Variants in KCNMA1 observed in about 807,000 individuals in gnomAD.
KCNMA1 encodes the protein potassium calcium-activated channel subfamily M alpha 1.
KCNMA1 carries 29 observed loss-of-function variants against 140.0 expected under a neutral mutation model. The observed-to-expected ratio is 0.21, with a 90% CI of 0.15 to 0.28. The LOEUF (loss-of-function observed/expected upper bound fraction) is 0.28. KCNMA1 is among the 10% of genes least tolerant of loss of function. The pLI, the probability that KCNMA1 is intolerant of heterozygous loss-of-function variation, is 1.00. For synonymous variants in KCNMA1, 612 were observed against 611.9 expected (o/e 1.00, Z 0.00); for missense variants, 880 against 1,602.2 (o/e 0.55, Z 7.70).
At chr10:77,581,538 C>T (rs950035364) in intron 1 of KCNMA1, among the ~76,000 whole-genome samples, 1 of 152,188 alleles carries the variant, frequency 6.6e-6, no homozygotes. Flanking sequence ...ATCTCCTGAC[C>T]TAGTGATCCA....
At chr10:77,132,902 C>T (rs2097895445) in intron 5 of KCNMA1, among the ~76,000 whole-genome samples, 1 of 152,026 alleles carries the variant, frequency 6.6e-6, no homozygotes, top group Non-Finnish European at 1.5e-5. Context: ...GTAATGGATT[C>T]ATTTATGTGT....
At chr10:77,184,701 T>C (rs1163575890) in intron 4 of KCNMA1, 122 bp downstream of exon 4, 6 of 743,608 alleles carry the variant, frequency 8.1e-6, no homozygotes, top group Admixed American at 5.5e-5. Context: ...AAAATCAGAA[T>C]GCGGGTGCGC....
chr10:77,397,941 T>C (rs1221459289), intron 2 of KCNMA1, among the ~76,000 whole-genome samples: 1 of 152,142 alleles, frequency 6.6e-6, no homozygotes, highest in East Asian at 1.9e-4. Context: ...GCAAAAGACA[T>C]GATTTCATTC....
At chr10:77,330,076 G>C (rs751141257) in intron 2 of KCNMA1, among the ~76,000 whole-genome samples, 1 of 152,124 alleles carries the variant, frequency 6.6e-6, no homozygotes, top group African/African-American at 2.4e-5. Context: ...TCTTTGTACT[G>C]TTTCTAATAT....
intron 15 of KCNMA1, among the ~76,000 whole-genome samples, chr10:77,031,930 A>G (rs1475412845): frequency 1.3e-5 from 2 of 152,226 alleles, no homozygotes; most frequent in African/African-American, 4.8e-5. Context: ...TGGAGAAAAG[A>G]TAAAGTGGCA....
intron 5 of KCNMA1, among the ~76,000 whole-genome samples, chr10:77,150,921 A>C (rs1425659344): frequency 6.6e-6 from 1 of 152,180 alleles, no homozygotes; most frequent in Non-Finnish European, 1.5e-5. Flanking sequence ...AGGGACTGGG[A>C]GTGTTGGTAA....
At chr10:77,006,265 A>G (rs2088568077) in intron 18 of KCNMA1, among the ~76,000 whole-genome samples, 1 of 152,314 alleles carries the variant, frequency 6.6e-6, no homozygotes, top group East Asian at 1.9e-4. Flanking sequence ...CAAATGGAGC[A>G]AATTCAAGGG....
chr10:77,565,901 C>A (rs1294424301), intron 1 of KCNMA1, among the ~76,000 whole-genome samples: 1 of 152,116 alleles, frequency 6.6e-6, no homozygotes, highest in East Asian at 1.9e-4. Flanking sequence ...CTCCCCACAG[C>A]CCTAACGCTC....
chr10:76,891,115 T>C (rs2151856242), intron 26 of KCNMA1, among the ~76,000 whole-genome samples: 1 of 152,320 alleles, frequency 6.6e-6, no homozygotes, highest in East Asian at 1.9e-4. Context: ...TGTGGAAATA[T>C]TTCCCAACCT....
rs760749885 is a variant in KCNMA1 at position 77,471,588 on chromosome 10, TCA to T, written c.379-67567_379-67566del. Among the ~76,000 whole-genome samples, 43 of 139,002 alleles carry T rather than the reference TCA, an allele frequency of 3.1e-4. No individual in the cohort carries two copies. The East Asian group carries it at 3.6e-3, about 12-fold the overall frequency. 91.2% of individuals were successfully genotyped at this position (139,002 alleles called of 152,430 possible). Reference sequence around the variant, plus strand: ...CACACTCCATACCAAATACCACAGGTCACACACACACACCACACACACTATAC... The same window carrying T: ...CACACTCCATACCAAATACCACAGGTCACACACACACCACACACACTATAC... On this transcript the variant is annotated intron_variant, in intron 1 of 27. Transcript: ENST00000286628.
intron 16 of KCNMA1, among the ~76,000 whole-genome samples, chr10:77,026,067 T>C (rs774840478): frequency 1.1e-4 from 16 of 151,500 alleles, no homozygotes; most frequent in Non-Finnish European, 1.8e-4. Context: ...CATCTCAGAA[T>C]TGTGACTCAA....
chr10:77,502,170 GGC>G (rs2044156089), intron 1 of KCNMA1, among the ~76,000 whole-genome samples: 1 of 152,168 alleles, frequency 6.6e-6, no homozygotes, highest in African/African-American at 2.4e-5. Context: ...AACAGCTGGG[GGC>G]GCCTGGGAAG....
At chr10:77,041,669 A>T (rs2094703319) in intron 14 of KCNMA1, among the ~76,000 whole-genome samples, 1 of 152,212 alleles carries the variant, frequency 6.6e-6, no homozygotes, top group African/African-American at 2.4e-5. Context: ...ATGGGAGCTT[A>T]GGGATCTCAC....
intron 2 of KCNMA1, among the ~76,000 whole-genome samples, chr10:77,258,306 T>C (rs545656191): frequency 6.6e-6 from 1 of 152,266 alleles, no homozygotes; most frequent in Non-Finnish European, 1.5e-5. Flanking sequence ...AAGAATAAAC[T>C]CCATAGACAC....
chr10:77,200,222 A>C (rs1319686406), intron 3 of KCNMA1, among the ~76,000 whole-genome samples: 3 of 152,164 alleles, frequency 2.0e-5, no homozygotes, highest in Admixed American at 6.5e-5. Flanking sequence ...AAGTGCTGGG[A>C]TTACAAGTGT....
At chr10:77,167,846 C>T (rs2098660652) in intron 5 of KCNMA1, among the ~76,000 whole-genome samples, 1 of 151,858 alleles carries the variant, frequency 6.6e-6, no homozygotes, top group Admixed American at 6.6e-5. Context: ...TCATGTCTGG[C>T]TAATTTTTGT....
At chr10:77,575,549 T>G (rs2073761780) in intron 1 of KCNMA1, among the ~76,000 whole-genome samples, 1 of 152,166 alleles carries the variant, frequency 6.6e-6, no homozygotes, top group Non-Finnish European at 1.5e-5. Flanking sequence ...TAAGTCTTAA[T>G]GCTCCCCAAG....
At chr10:77,111,472 G>C (rs1347533294) in intron 7 of KCNMA1, among the ~76,000 whole-genome samples, 4 of 152,186 alleles carry the variant, frequency 2.6e-5, no homozygotes, top group Non-Finnish European at 5.9e-5. Flanking sequence ...TATGTGATTT[G>C]GGTGCTTCGT....
Position 77,587,853 on chromosome 10 carries a change from T to C in KCNMA1, c.378+49412A>G, listed in dbSNP as rs971405172. 1.6e-4 allele frequency: 154 copies of C among 985,336 alleles called. No individual in the cohort carries two copies. The African/African-American group carries it at 1.9e-3, about 12-fold the overall frequency. 61.0% of individuals were successfully genotyped at this position (985,336 alleles called of 1,614,324 possible). On this transcript the variant is annotated intron_variant, in intron 1 of 27. Transcript: ENST00000286628. ...GACAGATCATCTCACGGCCCCAGTC[T>C]TCAGATATATGTGCCACTCTGAAAA...
Sources: allele counts gnomAD v4.1 joint callset (sites outside exome capture counted in the v4.1 genomes callset), GRCh38; gene constraint gnomAD v4.1.1; transcripts MANE v1.5; gene names NCBI Gene and HGNC (gene_info 2026-07-23, HGNC 2026-07-21).